The following RSPRY1 variants were observed in gnomAD, a reference collection of about 807,000 sequenced individuals.
RSPRY1 encodes RING finger and SPRY domain-containing protein 1.
Under a neutral mutation model 73.1 loss-of-function variants are expected in RSPRY1, and 23 were observed. The ratio of observed to expected loss-of-function variants is 0.31; its 90% CI spans 0.23 to 0.45. RSPRY1 has a LOEUF of 0.45. RSPRY1 is among the 20% of genes least tolerant of loss of function. The pLI is 1.00. For synonymous variants in RSPRY1, 226 were observed against 251.4 expected (o/e 0.90, Z 0.95); for missense variants, 448 against 698.7 (o/e 0.64, Z 4.05).
intron 1 of RSPRY1, chr16:57,187,003 C>T (rs1459607510): frequency 6.6e-6 from 1 of 152,260 alleles, no homozygotes; most frequent in South Asian, 2.1e-4. Context: ...GAAGCAGGAG[C>T]TAGAACTAGC....
chr16:57,205,730 T>C (rs550566992), intron 2 of RSPRY1, among the ~76,000 whole-genome samples: 11 of 152,366 alleles, frequency 7.2e-5, no homozygotes, highest in African/African-American at 2.4e-4. Context: ...GCCCAGTGCC[T>C]TACTAACTGC....
intron 10 of RSPRY1, among the ~76,000 whole-genome samples, chr16:57,222,690 GT>G (rs1567509328): frequency 6.6e-6 from 1 of 152,160 alleles, no homozygotes; most frequent in Non-Finnish European, 1.5e-5. Flanking sequence ...TACAACAGTT[GT>G]TTTCTTTGTA....
chr16:57,230,142 C>G (rs1217386973), intron 11 of RSPRY1, among the ~76,000 whole-genome samples: 1 of 151,052 alleles, frequency 6.6e-6, no homozygotes, highest in Non-Finnish European at 1.5e-5. Context: ...TCCCGAGTAG[C>G]TGGGATTACA....
rs574970493 is a variant in RSPRY1, at chr16:57,202,229, C to CG, written c.-155-2269dup. Among the ~76,000 whole-genome samples the CG allele has an allele frequency of 4.5e-4, 45 of 99,912 alleles. 2 individuals carry two copies. The East Asian group carries it at 0.013, about 28-fold the overall frequency. 65.5% of individuals were successfully genotyped at this position (99,912 alleles called of 152,430 possible). On this transcript the variant is annotated intron_variant, in intron 1 of 14. Transcript: ENST00000394420. Reference sequence around the variant, plus strand: ...CCAAATAAAGTAAGTGCAATTGTTACGGGGGGTGGGTGGCGGGGGTCCTTG... The same window carrying CG: ...CCAAATAAAGTAAGTGCAATTGTTACGGGGGGGTGGGTGGCGGGGGTCCTTG...
intron 8 of RSPRY1, among the ~76,000 whole-genome samples, chr16:57,217,569 T>C (rs2074961899): frequency 6.6e-6 from 1 of 152,220 alleles, no homozygotes; most frequent in South Asian, 2.1e-4. Flanking sequence ...TTATCTGAAA[T>C]GCTTGGGACT....
chr16:57,210,531 C>T (rs902803612), intron 4 of RSPRY1, among the ~76,000 whole-genome samples: 2 of 151,182 alleles, frequency 1.3e-5, no homozygotes, highest in Non-Finnish European at 1.5e-5. Context: ...GGTGAAACCC[C>T]GTCTCTACTA....
chr16:57,188,894 C>T (rs2146137409), intron 1 of RSPRY1, among the ~76,000 whole-genome samples: 1 of 151,966 alleles, frequency 6.6e-6, no homozygotes, highest in East Asian at 1.9e-4. Context: ...AAAACTATAA[C>T]TGGTGATTGT....
intron 10 of RSPRY1, 59 bp downstream of exon 10, chr16:57,221,474 G>A: frequency 1.3e-6 from 2 of 1,509,356 alleles, no homozygotes; most frequent in Non-Finnish European, 1.8e-6. Context: ...TTTCCCCCTA[G>A]TTGGTGGGTG....
intron 11 of RSPRY1, among the ~76,000 whole-genome samples, chr16:57,229,702 T>C (rs933514795): frequency 1.9e-5 from 2 of 103,632 alleles, no homozygotes; most frequent in East Asian, 5.7e-4. Context: ...TTTTTTTTTT[T>C]TTTTTTTTTT....
chr16:57,194,631 A>G (rs1430681481), intron 1 of RSPRY1, among the ~76,000 whole-genome samples: 1 of 152,228 alleles, frequency 6.6e-6, no homozygotes, highest in Non-Finnish European at 1.5e-5. Flanking sequence ...GGTGAAGATT[A>G]TAACAATAGT....
chr16:57,235,061 A>G lies in RSPRY1; in HGVS notation c.1530-63A>G, dbSNP rs1237054449. On this transcript the variant is annotated intron_variant, in intron 13 of 14. Transcript: ENST00000394420. ...GCAGAGCATTTTCAAAACATTTCAT[A>G]TGCATCACTGCTAACAGGACCCCTG... 6.1e-6 allele frequency: 7 copies of G among 1,141,416 alleles called. No homozygotes were observed. In the African/African-American group the frequency reaches 9.2e-5, roughly 15 times the overall value. The allele number at this position is 1,141,416 out of a possible 1,614,324, so 70.7% of individuals were successfully genotyped here.
chr16:57,192,693 G>A (rs1172259018), intron 1 of RSPRY1, among the ~76,000 whole-genome samples: 5 of 148,048 alleles, frequency 3.4e-5, no homozygotes, highest in African/African-American at 7.4e-5. Flanking sequence ...TTAGAGGAAG[G>A]TTTTTCCAGA....
At chr16:57,236,770 T>A (rs2146398640) in intron 14 of RSPRY1, among the ~76,000 whole-genome samples, 1 of 152,322 alleles carries the variant, frequency 6.6e-6, no homozygotes. Flanking sequence ...ACTATTTTTT[T>A]ATGAATATAA....
rs185567719 is a variant in RSPRY1 at position 57,236,854 on chromosome 16, A to G, written c.1634+1626A>G. ...ACTGGCAGGGGGAGTTATCTTAGGA[A>G]TGCAAGGATGGTACAATTACAGAAA... On this transcript the variant is annotated intron_variant, in intron 14 of 14. Transcript: ENST00000394420. 1.7e-4 allele frequency among the ~76,000 whole-genome samples: 26 copies of G among 151,032 alleles called. No homozygotes were observed. In the East Asian group the frequency reaches 4.3e-3, roughly 25 times the overall value.
chr16:57,237,350 G>A (rs1374061521), intron 14 of RSPRY1, among the ~76,000 whole-genome samples: 1 of 151,450 alleles, frequency 6.6e-6, no homozygotes, highest in African/African-American at 2.4e-5. Context: ...CACCATGTTG[G>A]CCAGGCTGGC....
chr16:57,199,228 T>C (rs1303653448), intron 1 of RSPRY1, among the ~76,000 whole-genome samples: 1 of 152,216 alleles, frequency 6.6e-6, no homozygotes. Context: ...GGCGCGGCGG[T>C]TGATGCCTGT....
chr16:57,191,318 A>C (rs1365436306), intron 1 of RSPRY1, among the ~76,000 whole-genome samples: 5 of 152,174 alleles, frequency 3.3e-5, no homozygotes, highest in African/African-American at 1.2e-4. Flanking sequence ...GTTCATACTT[A>C]GGTATGCCTA....
Position 57,213,899 on chromosome 16 carries a change from A to G in RSPRY1, c.655A>G (p.Ile219Val). The change falls in exon 6 of 15, where the codon ATA (isoleucine) becomes GTA (valine). Residue 219 changes from isoleucine (I) to valine (V), a missense_variant. Coordinates refer to ENST00000394420, the MANE Select transcript of RSPRY1 (RefSeq NM_133368.3). ...LAEKLAGPASIGLLSPGILEY... is the reference protein window; with the variant it reads ...LAEKLAGPASVGLLSPGILEY... Reference sequence around the variant, plus strand: ...TTGTATTTGTCTAGGTCCTGCAAGTATAGGTTTACTTAGCCCAGGAATACT... The same window carrying G: ...TTGTATTTGTCTAGGTCCTGCAAGTGTAGGTTTACTTAGCCCAGGAATACT... The G allele has an allele frequency of 1.2e-6, 2 of 1,605,588 alleles. No homozygotes were observed. The highest frequency in any genetic ancestry group is 2.2e-5 in the South Asian group (2 of 90,916).
intron 1 of RSPRY1, among the ~76,000 whole-genome samples, chr16:57,201,562 C>CGGGCAGAGGCTGCAATCTCGGCACTTTG (rs2074608067): frequency 6.6e-6 from 1 of 152,180 alleles, no homozygotes; most frequent in Non-Finnish European, 1.5e-5. Context: ...GGGTGGCGGC[C>CGGGCAGAGGCTGCAATCTCGGCACTTTG]GGGCAGAGGC....
Sources: allele counts gnomAD v4.1 joint callset (sites outside exome capture counted in the v4.1 genomes callset), GRCh38; gene constraint gnomAD v4.1.1; transcripts MANE v1.5; gene names NCBI Gene and HGNC (gene_info 2026-07-23, HGNC 2026-07-21).